MINK1: variants seen among roughly 807,000 people sequenced by gnomAD.
MINK1 encodes misshapen like kinase 1.
In MINK1, 46 loss-of-function variants were observed where a neutral mutation model predicts 178.4. The ratio of observed to expected loss-of-function variants is 0.26; its 90% CI spans 0.20 to 0.33. MINK1 has a LOEUF of 0.33. Ranked by LOEUF, MINK1 falls within the 10% of genes least tolerant of loss-of-function variation. The pLI is 1.00. For synonymous variants in MINK1, 797 were observed against 709.7 expected, an observed-to-expected ratio of 1.12 and a Z score of -1.96; for missense variants, 1,366 against 1,814.9, an observed-to-expected ratio of 0.75 and a Z score of 4.49.
intron 1 of MINK1, chr17:4,868,776 C>A: frequency 3.5e-6 from 1 of 289,556 alleles, no homozygotes. Context: ...GACAGGGTCT[C>A]ACTCTGTTGC....
Position 4,895,572 on chromosome 17 carries a change from C to T in MINK1, c.3229+79C>T, listed in dbSNP as rs1448692786. ...CACCATCTTCTGCCTGGGAGGAGGG[C>T]AGGCACTGGAAGGTGGGGCCACACT... On this transcript the variant is annotated intron_variant, in intron 26 of 31. Transcript: ENST00000355280. This position sits in a 1 kb window ranked among gnomAD's most constrained non-coding sequence, Gnocchi z 4.3. 1.2e-5 allele frequency: 18 copies of T among 1,547,596 alleles called. No individual in the cohort carries two copies. The highest frequency in any genetic ancestry group is 8.7e-7 in the Non-Finnish European group (1 of 1,143,470).
rs1969210530 is a variant in MINK1, at chr17:4,894,411, G to A, written c.2808+100G>A. The A allele has an allele frequency of 4.6e-6, 7 of 1,535,960 alleles. No homozygotes were observed. In the South Asian group the frequency reaches 8.4e-5, roughly 18 times the overall value. Reference sequence around the variant, plus strand: ...CGGCAGAGGATGGGGCGGAGCGCTGGGAGCTGGACAGCGGGGGTGCCAGTT... The same window carrying A: ...CGGCAGAGGATGGGGCGGAGCGCTGAGAGCTGGACAGCGGGGGTGCCAGTT... On this transcript the variant is annotated intron_variant, in intron 23 of 31. Coordinates refer to ENST00000355280, the MANE Select transcript of MINK1 (RefSeq NM_153827.5). The surrounding 1 kb of genome is among the most constrained non-coding windows in gnomAD (Gnocchi z 4.1).
In MINK1 at chr17:4,894,511, T is replaced by TC; in HGVS notation, c.2809-9dup. 1 of 1,580,514 alleles carries TC rather than the reference T, an allele frequency of 6.3e-7. No individual in the cohort carries two copies. The highest frequency in any genetic ancestry group is 8.6e-7 in the Non-Finnish European group (1 of 1,162,070). On this transcript the variant is annotated splice_polypyrimidine_tract_variant and intron_variant, in intron 23 of 31. Coordinates refer to ENST00000355280, the MANE Select transcript of MINK1 (RefSeq NM_153827.5). The surrounding 1 kb of genome is among the most constrained non-coding windows in gnomAD (Gnocchi z 4.1). ...CTTGCACTTGTTTGCCTGACTGCTG[T>TC]CCCCCTACCACAGTACCAGTCTCGT...
chr17:4,889,972 T>G, intron 13 of MINK1: 2 of 564,916 alleles, frequency 3.5e-6, no homozygotes, highest in Non-Finnish European at 6.3e-6. Flanking sequence ...CCCATCTCTT[T>G]ACCCCATCCC....
At chr17:4,840,427 A>G (rs1001048137) in intron 1 of MINK1, among the ~76,000 whole-genome samples, 5 of 152,222 alleles carry the variant, frequency 3.3e-5, no homozygotes, top group African/African-American at 1.2e-4. Context: ...AGTTAAGAGC[A>G]TGTATATGGA....
At chr17:4,882,756 G>A (rs566726507) in intron 4 of MINK1, among the ~76,000 whole-genome samples, 22 of 152,136 alleles carry the variant, frequency 1.4e-4, no homozygotes, top group Non-Finnish European at 2.4e-4. Flanking sequence ...GGTCACTCAC[G>A]TTTCAATGTT....
At chr17:4,890,859 C>T in intron 14 of MINK1, 92 bp from the exon 15 acceptor site, 2 of 1,527,046 alleles carry the variant, frequency 1.3e-6, no homozygotes. Context: ...CAGCACAGAG[C>T]ATAGGGCGGG....
intron 1 of MINK1, chr17:4,874,977 C>A: frequency 2.0e-6 from 1 of 500,464 alleles, no homozygotes. Flanking sequence ...TCTAACAGGC[C>A]CACGGTATTT....
chr17:4,858,362 C>T (rs1439046145), intron 1 of MINK1, among the ~76,000 whole-genome samples: 1 of 152,106 alleles, frequency 6.6e-6, no homozygotes, highest in Non-Finnish European at 1.5e-5. Context: ...TAAACAGAGG[C>T]TCCAAGACGC....
chr17:4,841,788 C>A (rs1036812403), intron 1 of MINK1, among the ~76,000 whole-genome samples: 6 of 151,990 alleles, frequency 3.9e-5, no homozygotes, highest in Admixed American at 1.3e-4. Context: ...CTACTAGATT[C>A]AATCCACAAT....
intron 1 of MINK1, chr17:4,875,114 G>A (rs761617541): frequency 9.6e-6 from 5 of 519,918 alleles, no homozygotes; most frequent in South Asian, 2.8e-5. Flanking sequence ...CAGACGCCCC[G>A]GAATGGATGA....
intron 1 of MINK1, among the ~76,000 whole-genome samples, chr17:4,863,883 G>A (rs1456988209): frequency 6.6e-6 from 1 of 151,846 alleles, no homozygotes; most frequent in Non-Finnish European, 1.5e-5. Context: ...TTCGCCTCCC[G>A]GGTTCAAGAG....
chr17:4,864,028 AT>A (rs1221242353), intron 1 of MINK1, among the ~76,000 whole-genome samples: 4 of 151,770 alleles, frequency 2.6e-5, no homozygotes, highest in African/African-American at 9.7e-5. Context: ...ACCTCAAATG[AT>A]CCGCCTGCCT....
At chr17:4,893,849 C>A in intron 21 of MINK1, 139 bp from the exon 22 acceptor site, 1 of 859,772 alleles carries the variant, frequency 1.2e-6, no homozygotes, top group Non-Finnish European at 1.8e-6. Context: ...CACGGTGGAG[C>A]AGGGGCTACA....
chr17:4,861,398 C>T (rs905704235), intron 1 of MINK1, among the ~76,000 whole-genome samples: 1 of 152,212 alleles, frequency 6.6e-6, no homozygotes, highest in African/African-American at 2.4e-5. Flanking sequence ...CTATTTCGAC[C>T]CACATGAGGC....
rs1211642482 is a variant in MINK1 at position 4,846,045 on chromosome 17, G to A, written c.57+12405G>A. ...GTTTCTCATTGACCTTCATGGGGAA[G>A]GAGGAAAAAGGGAGGGAGTGACACA... On this transcript the variant is annotated intron_variant, in intron 1 of 31. Transcript: ENST00000355280. 2.6e-5 allele frequency among the ~76,000 whole-genome samples: 4 copies of A among 152,190 alleles called. No homozygotes were observed. The East Asian group carries it at 7.7e-4, about 29-fold the overall frequency.
At chr17:4,891,225 CCT>C in intron 15 of MINK1, 101 bp downstream of exon 15, 2 of 1,154,170 alleles carry the variant, frequency 1.7e-6, no homozygotes, top group African/African-American at 1.6e-5. Context: ...CACACACACA[CCT>C]GCTCAGCCGT....
In MINK1 at chr17:4,892,424, C is replaced by T. The variant is rs867150754; in HGVS notation, c.2110C>T (p.Gln704Ter). ...RARPRSNSAWQIYLQRRAERG... is the reference protein window; with the variant it reads ...RARPRSNSAW ...CAGACCTCGCAGCAACTCCGCCTGG[C>T]AAATCTATCTGCAAAGGCGGGCAGA... Residue 704 changes from glutamine (Q) to a stop codon, truncating the protein, a stop_gained, in exon 18 of 32, where the codon CAA becomes TAA. Coordinates refer to ENST00000355280, the MANE Select transcript of MINK1 (RefSeq NM_153827.5). LOFTEE classifies it high-confidence loss of function. 1.9e-6 allele frequency: 3 copies of T among 1,558,948 alleles called. No individual in the cohort carries two copies. Among genetic ancestry groups the T allele is most frequent in the South Asian group, 1.2e-5 (1 of 84,840 alleles).
chr17:4,869,393 C>A (rs1408443749), intron 1 of MINK1, among the ~76,000 whole-genome samples: 1 of 151,990 alleles, frequency 6.6e-6, no homozygotes, highest in Non-Finnish European at 1.5e-5. Flanking sequence ...TCTGCCTCAG[C>A]CTCCCTAGTA....
Sources: allele counts gnomAD v4.1 joint callset (sites outside exome capture counted in the v4.1 genomes callset), GRCh38; gene constraint gnomAD v4.1.1; non-coding constraint Gnocchi (gnomAD v3.1); transcripts MANE v1.5; gene names NCBI Gene and HGNC (gene_info 2026-07-23, HGNC 2026-07-21).